The following RANBP2 variants were observed in gnomAD, a reference collection of about 807,000 sequenced individuals.
RANBP2 encodes the protein RAN binding protein 2.
A neutral mutation model predicts 303.6 loss-of-function variants in RANBP2; 57 were observed. The ratio of observed to expected loss-of-function variants is 0.19; its 90% CI spans 0.15 to 0.23. The LOEUF (loss-of-function observed/expected upper bound fraction) is 0.23, where lower values mean the gene tolerates loss of function less well. Among genes scored for constraint, RANBP2 ranks in the 10% least tolerant of loss-of-function variants. The probability of loss-of-function intolerance (pLI) is 1.00; values close to 1 mark genes in which losing one functional copy is unlikely to be tolerated. For missense variants in RANBP2, 3,138 were observed against 3,780.8 expected, an observed-to-expected ratio of 0.83 and a Z score of 4.46; for synonymous variants, 1,167 against 1,301.5, an observed-to-expected ratio of 0.90 and a Z score of 2.23.
At chr2:109,227,251 T>C in the RANBP2 span, among the ~76,000 whole-genome samples, 73 of 152,230 alleles carry the variant, frequency 4.8e-4, no homozygotes, top group African/African-American at 1.7e-3. Context: ...GGGAAGGAGC[T>C]AAGAGAAAAT....
chr2:109,569,336 C>G, the RANBP2 span, among the ~76,000 whole-genome samples: 3 of 150,986 alleles, frequency 2.0e-5, no homozygotes, highest in African/African-American at 7.3e-5. Flanking sequence ...TAGGCTGCGG[C>G]AGAAGAATCG....
the RANBP2 span, among the ~76,000 whole-genome samples, chr2:109,718,415 A>T: frequency 1.3e-5 from 2 of 152,232 alleles, no homozygotes; most frequent in Admixed American, 1.3e-4. Flanking sequence ...TACATGCTAC[A>T]ACATGGATGA....
intron 9 of RANBP2, among the ~76,000 whole-genome samples, chr2:108,750,960 T>G (rs1675834418): frequency 6.6e-6 from 1 of 152,218 alleles, no homozygotes; most frequent in Non-Finnish European, 1.5e-5. Flanking sequence ...TTAGGTTAGG[T>G]GTTCTTTATT....
chr2:108,934,984 C>T, the RANBP2 span, among the ~76,000 whole-genome samples: 19 of 152,302 alleles, frequency 1.2e-4, no homozygotes, highest in South Asian at 6.2e-4. Context: ...TGAAGCCAGT[C>T]GCCACCCAGC....
the RANBP2 span, among the ~76,000 whole-genome samples, chr2:109,359,674 G>GC: frequency 1.3e-5 from 2 of 152,098 alleles, no homozygotes; most frequent in Non-Finnish European, 2.9e-5. Flanking sequence ...AATTTTTTGA[G>GC]CACCAACATG....
At chr2:109,692,337 T>TCTCCTTGGGGTAATAA in the RANBP2 span, among the ~76,000 whole-genome samples, 1 of 151,868 alleles carries the variant, frequency 6.6e-6, no homozygotes, top group Admixed American at 6.6e-5. Flanking sequence ...GGGTGGCACA[T>TCTCCTTGGGGTAATAA]CTCCTTGGGG....
At chr2:109,456,851 G>C in the RANBP2 span, among the ~76,000 whole-genome samples, 1 of 152,228 alleles carries the variant, frequency 6.6e-6, no homozygotes, top group Non-Finnish European at 1.5e-5. Flanking sequence ...GCTACTGCTA[G>C]TCAGCTTCTC....
intron 6 of RANBP2, 88 bp downstream of exon 6, chr2:108,736,337 T>G: frequency 1.2e-6 from 2 of 1,606,008 alleles, no homozygotes; most frequent in Non-Finnish European, 8.5e-7. Flanking sequence ...CTTCACTGAA[T>G]CATTATTTGT....
the RANBP2 span, among the ~76,000 whole-genome samples, chr2:109,200,303 C>T: frequency 6.6e-6 from 1 of 152,152 alleles, no homozygotes; most frequent in Non-Finnish European, 1.5e-5. Context: ...TGCTCAGAGG[C>T]CTTCCCAGAC....
chr2:109,544,410 G>T, the RANBP2 span: 1 of 1,482,464 alleles, frequency 6.7e-7, no homozygotes. Flanking sequence ...TATATTATAG[G>T]ATATCTGGCC....
chr2:108,900,377 GAAACC>G, the RANBP2 span, among the ~76,000 whole-genome samples: 2 of 152,102 alleles, frequency 1.3e-5, no homozygotes, highest in African/African-American at 4.8e-5. Flanking sequence ...TCAACACGGT[GAAACC>G]CTGTTTCTAC....
chr2:109,459,977 C>T, the RANBP2 span, among the ~76,000 whole-genome samples: 1 of 152,292 alleles, frequency 6.6e-6, no homozygotes, highest in Admixed American at 6.5e-5. Context: ...AATATTGTCC[C>T]AGCCCTGCAA....
the RANBP2 span, among the ~76,000 whole-genome samples, chr2:109,118,348 C>T: frequency 1.3e-5 from 2 of 151,966 alleles, no homozygotes; most frequent in African/African-American, 4.8e-5. Flanking sequence ...ACAGCTATCC[C>T]AGGCCCACCA....
chr2:109,151,189 A>G, the RANBP2 span, among the ~76,000 whole-genome samples: 1 of 152,202 alleles, frequency 6.6e-6, no homozygotes, highest in Non-Finnish European at 1.5e-5. Context: ...TATATTGAAA[A>G]TATGTGTCCA....
chr2:109,056,890 A>G, the RANBP2 span, among the ~76,000 whole-genome samples: 1 of 152,230 alleles, frequency 6.6e-6, no homozygotes, highest in African/African-American at 2.4e-5. Context: ...GCTCACAGTC[A>G]AGCTGTAACA....
At chr2:109,479,156 C>T in the RANBP2 span, among the ~76,000 whole-genome samples, 3 of 152,104 alleles carry the variant, frequency 2.0e-5, no homozygotes, top group African/African-American at 4.8e-5. Context: ...GACTGGGTTC[C>T]GAGAGTGAGT....
chr2:109,249,509 CATTCTTTCTTT>C, the RANBP2 span, among the ~76,000 whole-genome samples: 1 of 66,356 alleles, frequency 1.5e-5, no homozygotes, highest in African/African-American at 5.6e-5. Flanking sequence ...TTCTTTCTTT[CATTCTTTCTTT>C]TTCTTTCTTT....
the RANBP2 span, among the ~76,000 whole-genome samples, chr2:109,272,665 C>T: frequency 6.6e-6 from 1 of 152,234 alleles, no homozygotes; most frequent in Non-Finnish European, 1.5e-5. Context: ...TCCTCCACAC[C>T]AGCGCTGAGT....
At chr2:109,730,622 A>G in the RANBP2 span, among the ~76,000 whole-genome samples, 1 of 152,112 alleles carries the variant, frequency 6.6e-6, no homozygotes, top group Non-Finnish European at 1.5e-5. Context: ...TAAATAACAT[A>G]TATTTCTCAC....
Sources: allele counts gnomAD v4.1 joint callset (sites outside exome capture counted in the v4.1 genomes callset), GRCh38; gene constraint gnomAD v4.1.1; transcripts MANE v1.5; gene names NCBI Gene and HGNC (gene_info 2026-07-23, HGNC 2026-07-21).